The following DNAH3 variants were observed in gnomAD, a reference collection of about 807,000 sequenced individuals.
DNAH3 encodes dynein axonemal heavy chain 3.
A neutral mutation model predicts 432.5 loss-of-function variants in DNAH3; 332 were observed. The ratio of observed to expected loss-of-function variants is 0.77; its 90% CI spans 0.70 to 0.84. The LOEUF (loss-of-function observed/expected upper bound fraction) is 0.84. Ranked by LOEUF, DNAH3 falls within the 40% of genes least tolerant of loss-of-function variation. The pLI is 0.00. For missense variants in DNAH3, 4,861 were observed against 5,114.0 expected, an observed-to-expected ratio of 0.95 and a Z score of 1.51; for synonymous variants, 1,956 against 1,900.2, an observed-to-expected ratio of 1.03 and a Z score of -0.76.
chr16:21,138,219 A>C (rs1343449713), intron 5 of DNAH3, among the ~76,000 whole-genome samples: 1 of 151,340 alleles, frequency 6.6e-6, no homozygotes, highest in Non-Finnish European at 1.5e-5. Context: ...CAGCATTCAA[A>C]CCTGGGTGAC....
intron 20 of DNAH3, 115 bp downstream of exon 20, chr16:21,081,521 C>T (rs1300974255): frequency 1.3e-6 from 1 of 768,828 alleles, no homozygotes; most frequent in African/African-American, 1.8e-5. Context: ...CTTAAGCCAC[C>T]CTACGCCACA....
At chr16:21,064,860 G>GGGGTGTGT (rs1199844083) in intron 24 of DNAH3, among the ~76,000 whole-genome samples, 1 of 131,780 alleles carries the variant, frequency 7.6e-6, no homozygotes, top group African/African-American at 2.7e-5. Flanking sequence ...TATTGAGGTA[G>GGGGTGTGT]GTGTGTGTGT....
chr16:20,950,148 C>G (rs534278293), intron 56 of DNAH3, among the ~76,000 whole-genome samples: 65 of 152,280 alleles, frequency 4.3e-4, no homozygotes, highest in African/African-American at 1.5e-3. Context: ...GTGTCCAGCT[C>G]CAGGCGCACT....
exon 62 of DNAH3, chr16:20,933,182 A>G: frequency 6.2e-7 from 1 of 1,613,856 alleles, no homozygotes. Flanking sequence ...CAGTGAGGCC[A>G]CCCCTCGGTT....
At chr16:20,997,720 C>T (rs866955408) in intron 43 of DNAH3, among the ~76,000 whole-genome samples, 1 of 151,472 alleles carries the variant, frequency 6.6e-6, no homozygotes, top group Non-Finnish European at 1.5e-5. Flanking sequence ...CTGGCTTGGC[C>T]GGGCATGGTG....
exon 48 of DNAH3, chr16:20,985,429 C>T: frequency 6.2e-7 from 1 of 1,614,220 alleles, no homozygotes; most frequent in Non-Finnish European, 8.5e-7. Flanking sequence ...TTGCCGCCCG[C>T]TGCCCCCTAT....
At chr16:20,938,368 C>T (rs1034950555) in intron 59 of DNAH3, among the ~76,000 whole-genome samples, 7 of 148,908 alleles carry the variant, frequency 4.7e-5, no homozygotes, top group South Asian at 2.1e-4. Context: ...CCAGCCTGGG[C>T]GACAAGAGTG....
chr16:20,940,402 A>T (rs751465600), intron 59 of DNAH3, among the ~76,000 whole-genome samples: 9 of 152,006 alleles, frequency 5.9e-5, no homozygotes, highest in Non-Finnish European at 1.0e-4. Flanking sequence ...CAGGATTAGT[A>T]ACTGGACGTA....
At chr16:21,125,234 G>C (rs1446193306) in exon 9 of DNAH3, 2 of 1,613,664 alleles carry the variant, frequency 1.2e-6, no homozygotes, top group East Asian at 4.5e-5. Context: ...AGCTCCCTAA[G>C]CTGCAGCGAC....
intron 25 of DNAH3, 36 bp from the exon 26 acceptor site, chr16:21,060,392 A>C: frequency 6.4e-7 from 1 of 1,551,592 alleles, no homozygotes; most frequent in Non-Finnish European, 8.9e-7. Flanking sequence ...GCAGCAGTCA[A>C]CCAAAGCCCA....
intron 37 of DNAH3, among the ~76,000 whole-genome samples, chr16:21,028,997 C>T (rs146963930): frequency 1.8e-4 from 28 of 152,334 alleles, no homozygotes; most frequent in African/African-American, 6.3e-4. Flanking sequence ...AAGGCTGACA[C>T]CACCAACCGC....
intron 51 of DNAH3, among the ~76,000 whole-genome samples, chr16:20,970,522 CTCTG>C (rs1260942195): frequency 1.3e-5 from 2 of 152,196 alleles, no homozygotes; most frequent in Admixed American, 6.5e-5. Flanking sequence ...GAAATTGAAA[CTCTG>C]TCTAAAAACA....
At chr16:20,961,580 A>G (rs1172372848) in intron 53 of DNAH3, among the ~76,000 whole-genome samples, 4 of 151,898 alleles carry the variant, frequency 2.6e-5, no homozygotes, top group Non-Finnish European at 5.9e-5. Context: ...TTAATCCAAT[A>G]TGACTGATAT....
At chr16:21,060,526 CTT>C (rs375746116) in intron 25 of DNAH3, among the ~76,000 whole-genome samples, 170 bp from the exon 26 acceptor site, 41 of 93,418 alleles carry the variant, frequency 4.4e-4, no homozygotes, top group Admixed American at 7.1e-4. Flanking sequence ...TTTTTTTTTT[CTT>C]TTTTTTTTTT....
intron 46 of DNAH3, 97 bp downstream of exon 46, chr16:20,987,596 G>A (rs2086260885): frequency 2.6e-6 from 4 of 1,542,638 alleles, no homozygotes; most frequent in African/African-American, 1.4e-5. Context: ...CATAGACTAA[G>A]TGCCTAATAA....
At chr16:21,139,655 A>G (rs1338339093) in intron 5 of DNAH3, among the ~76,000 whole-genome samples, 2 of 150,694 alleles carry the variant, frequency 1.3e-5, no homozygotes, top group Non-Finnish European at 3.0e-5. Context: ...TTTTGTAGAG[A>G]TTGGGTTTCT....
rs756041494 is a variant in DNAH3, at chr16:21,097,593, AGTG to A, written c.2521-97_2521-95del. The A allele has an allele frequency of 1.6e-4, 227 of 1,450,362 alleles. 1 individual carries two copies. Among genetic ancestry groups the A allele is most frequent in the Non-Finnish European group, 2.1e-4 (217 of 1,048,630 alleles). The allele number at this position is 1,450,362 out of a possible 1,614,324, so 89.8% of individuals were successfully genotyped here. On this transcript the variant is annotated intron_variant, in intron 17 of 61. Coordinates refer to ENST00000261383, the Ensembl canonical transcript of DNAH3. ...AAATTCCTCAGTGCCTTGAAAACCA[AGTG>A]GAGGGAAATGCTTATTCATCTGGAG...
Position 21,130,608 on chromosome 16 carries a change from C to T in DNAH3, c.1083-2796G>A, listed in dbSNP as rs147725366. On this transcript the variant is annotated intron_variant, in intron 7 of 61. Coordinates refer to ENST00000261383, the Ensembl canonical transcript of DNAH3. ...GCATGAGCCACCACGCCCAGGCTCT[C>T]ATTGCTGATTTTTTTGGTTCAGTTG... 2.0e-5 allele frequency among the ~76,000 whole-genome samples: 3 copies of T among 152,242 alleles called. No homozygotes were observed. In the East Asian group the frequency reaches 5.8e-4, roughly 29 times the overall value.
intron 14 of DNAH3, among the ~76,000 whole-genome samples, chr16:21,107,970 A>G (rs1195361357): frequency 6.6e-6 from 1 of 151,804 alleles, no homozygotes; most frequent in East Asian, 1.9e-4. Flanking sequence ...GGTTCAAGCA[A>G]TTCTCTGCCT....
Sources: gnomAD v4.1 joint callset for allele counts (sites outside exome capture counted in the v4.1 genomes callset) on GRCh38, gnomAD v4.1.1 for gene constraint, MANE v1.5 for transcripts, NCBI Gene and HGNC (gene_info 2026-07-23, HGNC 2026-07-21) for gene names.